The following OPCML variants were observed in gnomAD, a reference collection of about 807,000 sequenced individuals.
OPCML encodes the protein opioid-binding protein/cell adhesion molecule.
OPCML carries 13 observed loss-of-function variants against 37.8 expected under a neutral mutation model. That is an observed-to-expected ratio of 0.34 (90% confidence interval 0.22 to 0.55). The LOEUF is 0.55. Among genes scored for constraint, OPCML ranks in the 20% least tolerant of loss-of-function variants. The pLI, the probability that OPCML is intolerant of heterozygous loss-of-function variation, is 0.91. For synonymous variants in OPCML, 176 were observed against 168.8 expected, an observed-to-expected ratio of 1.04 and a Z score of -0.33; for missense variants, 341 against 435.6, an observed-to-expected ratio of 0.78 and a Z score of 1.93.
chr11:133,154,433 T>G (rs1265015908), intron 1 of OPCML, among the ~76,000 whole-genome samples: 1 of 152,204 alleles, frequency 6.6e-6, no homozygotes, highest in Non-Finnish European at 1.5e-5. Flanking sequence ...TAACAGGTTC[T>G]GCAATTATGA....
At chr11:133,158,984 C>T (rs1331972301) in intron 1 of OPCML, among the ~76,000 whole-genome samples, 1 of 152,100 alleles carries the variant, frequency 6.6e-6, no homozygotes, top group Non-Finnish European at 1.5e-5. Context: ...GTGGCATGTT[C>T]CCTTCATCAC....
At chr11:132,422,127 GTATA>G (rs1007039096) in intron 7 of OPCML, among the ~76,000 whole-genome samples, 3 of 151,782 alleles carry the variant, frequency 2.0e-5, no homozygotes, top group Non-Finnish European at 4.4e-5. Flanking sequence ...ATGTATATAC[GTATA>G]TATATATGTC....
chr11:133,002,268 C>G (rs1278273072), intron 1 of OPCML, among the ~76,000 whole-genome samples: 2 of 152,180 alleles, frequency 1.3e-5, no homozygotes, highest in African/African-American at 4.8e-5. Flanking sequence ...GAAGGTTCAA[C>G]AGGGTAAGGT....
chr11:132,813,093 CTTT>C (rs1214581956), intron 2 of OPCML, among the ~76,000 whole-genome samples: 5 of 152,094 alleles, frequency 3.3e-5, no homozygotes, highest in Non-Finnish European at 7.4e-5. Flanking sequence ...AATAGGTTCT[CTTT>C]TTTAATAATT....
Position 133,212,204 on chromosome 11 carries a change from GACA to G in OPCML, c.62-269197_62-269195del, listed in dbSNP as rs1410962625. ...CCAATCAATCAACCAAACCAGCAAG[GACA>G]ACAACAAAAGCAATTTTTCCTGCCC... On this transcript the variant is annotated intron_variant, in intron 1 of 7. Coordinates refer to ENST00000524381, the MANE Select transcript of OPCML (RefSeq NM_001012393.5). This position sits in a 1 kb window ranked among gnomAD's most constrained non-coding sequence, Gnocchi z 4.9. Among the ~76,000 whole-genome samples the G allele has an allele frequency of 6.6e-6, 1 of 151,990 alleles. No individual in the cohort carries two copies. Among genetic ancestry groups the G allele is most frequent in the Non-Finnish European group, 1.5e-5 (1 of 68,014 alleles).
intron 1 of OPCML, among the ~76,000 whole-genome samples, chr11:133,423,724 A>G (rs956169964): frequency 2.6e-5 from 4 of 152,268 alleles, no homozygotes; most frequent in Admixed American, 1.3e-4. Flanking sequence ...TGGACTCCCA[A>G]TGTTAGAGGT....
At chr11:133,265,642 C>T (rs1208501500) in intron 1 of OPCML, among the ~76,000 whole-genome samples, 3 of 152,186 alleles carry the variant, frequency 2.0e-5, no homozygotes, top group African/African-American at 7.2e-5. Flanking sequence ...GGGGCTGTGT[C>T]CCCATCACAG....
intron 1 of OPCML, chr11:133,006,806 G>C: frequency 1.0e-6 from 1 of 985,430 alleles, no homozygotes; most frequent in Non-Finnish European, 1.2e-6. Flanking sequence ...TTCCACTCTA[G>C]CAGGAGCAGT....
At chr11:132,697,967 TTTTA>T (rs1943657304) in intron 2 of OPCML, among the ~76,000 whole-genome samples, 1 of 147,584 alleles carries the variant, frequency 6.8e-6, no homozygotes, top group Non-Finnish European at 1.5e-5. Flanking sequence ...ATTTATTTTA[TTTTA>T]TTTTCTATTT....
intron 2 of OPCML, among the ~76,000 whole-genome samples, chr11:132,666,322 CAGAG>C (rs1442731159): frequency 6.6e-6 from 1 of 152,126 alleles, no homozygotes; most frequent in African/African-American, 2.4e-5. Context: ...GCAAGAAAGA[CAGAG>C]AGGAGATGCC....
intron 1 of OPCML, among the ~76,000 whole-genome samples, chr11:133,268,645 C>G (rs950838849): frequency 2.6e-5 from 4 of 152,056 alleles, no homozygotes; most frequent in Non-Finnish European, 5.9e-5. Context: ...AGTGCAAAAC[C>G]ATAGATTAAC....
At chr11:132,840,434 C>T (rs1160144903) in intron 2 of OPCML, among the ~76,000 whole-genome samples, 1 of 152,154 alleles carries the variant, frequency 6.6e-6, no homozygotes, top group Admixed American at 6.5e-5. Context: ...CCAGTTCCCA[C>T]TGGGCCCGTT....
rs538188343 is a variant in OPCML, at chr11:133,324,654, C to T, written c.61+207610G>A. ...ACCTCCGGCCTCAGTTACAGGGCAG[C>T]GGGGGCAGGCCTTGTTCCTCTGCTA... is the stretch of plus-strand genomic sequence containing the variant. On this transcript the variant is annotated intron_variant, in intron 1 of 7. Transcript: ENST00000524381. Among the ~76,000 whole-genome samples, 36 of 152,270 alleles carry T rather than the reference C, an allele frequency of 2.4e-4. No homozygotes were observed. The East Asian group carries it at 5.6e-3, about 24-fold the overall frequency.
Position 132,468,033 on chromosome 11 carries a change from A to G in OPCML, c.506-30674T>C, listed in dbSNP as rs1337210484. ...CAGTGTGTCCCTAATCTTGTGACCT[A>G]CAGGTTGAAAGGAAGGCGTACTCCT... On this transcript the variant is annotated intron_variant, in intron 4 of 7. Coordinates refer to ENST00000524381, the MANE Select transcript of OPCML (RefSeq NM_001012393.5). Among the ~76,000 whole-genome samples, 4 of 152,152 alleles carry G rather than the reference A, an allele frequency of 2.6e-5. No homozygotes were observed. In the East Asian group the frequency reaches 7.7e-4, roughly 29 times the overall value.
rs1032188350 is a variant in OPCML, at chr11:132,489,452, G to A, written c.505+39609C>T. Among the ~76,000 whole-genome samples, 11 of 152,256 alleles carry A rather than the reference G, an allele frequency of 7.2e-5. No individual in the cohort carries two copies. The South Asian group carries it at 8.3e-4, about 11-fold the overall frequency. On this transcript the variant is annotated intron_variant, in intron 4 of 7. Coordinates refer to ENST00000524381, the MANE Select transcript of OPCML (RefSeq NM_001012393.5). Reference sequence around the variant, plus strand: ...GTAAATACAAAGACCAGTAACGATCGTTTATTGTCAAATATTTTCTGCTGT... The same window carrying A: ...GTAAATACAAAGACCAGTAACGATCATTTATTGTCAAATATTTTCTGCTGT...
chr11:133,228,721 G>A (rs1470523732), intron 1 of OPCML, among the ~76,000 whole-genome samples: 1 of 152,262 alleles, frequency 6.6e-6, no homozygotes, highest in Non-Finnish European at 1.5e-5. Flanking sequence ...GGCTCCTGCA[G>A]AGCCCCTCAG....
chr11:132,919,508 G>A (rs1240070247), intron 2 of OPCML, among the ~76,000 whole-genome samples: 1 of 152,202 alleles, frequency 6.6e-6, no homozygotes, highest in African/African-American at 2.4e-5. Flanking sequence ...AGGGTCCAAT[G>A]TTAGAGCTGA....
At chr11:132,709,208 T>C (rs1944161538) in intron 2 of OPCML, among the ~76,000 whole-genome samples, 1 of 152,176 alleles carries the variant, frequency 6.6e-6, no homozygotes, top group Non-Finnish European at 1.5e-5. Flanking sequence ...GCATACTGCG[T>C]GGTTTGTGAT....
chr11:132,832,962 C>T (rs1386899866), intron 2 of OPCML, among the ~76,000 whole-genome samples: 1 of 152,112 alleles, frequency 6.6e-6, no homozygotes, highest in Admixed American at 6.5e-5. Context: ...GAACATCTAA[C>T]ATGAATGGAG....
Sources: allele counts gnomAD v4.1 joint callset (sites outside exome capture counted in the v4.1 genomes callset), GRCh38; gene constraint gnomAD v4.1.1; non-coding constraint Gnocchi (gnomAD v3.1); transcripts MANE v1.5; gene names NCBI Gene and HGNC (gene_info 2026-07-23, HGNC 2026-07-21).